Variants in RASSF2 observed in about 807,000 individuals in gnomAD.
The protein encoded by RASSF2 is Ras association domain family member 2, also known as ras association domain-containing protein 2.
Under a neutral mutation model 46.3 loss-of-function variants are expected in RASSF2, and 34 were observed. The ratio of observed to expected loss-of-function variants is 0.73; its 90% CI spans 0.56 to 0.98. RASSF2 has a LOEUF of 0.98. RASSF2 is among the 50% of genes least tolerant of loss of function. The probability of loss-of-function intolerance (pLI) is 0.00; values close to 1 mark genes in which losing one functional copy is unlikely to be tolerated. For missense variants in RASSF2, 364 were observed against 431.2 expected (o/e 0.84, Z 1.38); for synonymous variants, 158 against 162.5 (o/e 0.97, Z 0.21).
chr20:4,793,838 A>G (rs946240830), intron 5 of RASSF2, among the ~76,000 whole-genome samples: 1 of 152,132 alleles, frequency 6.6e-6, no homozygotes. Context: ...TGACATCTAA[A>G]TGACACCATT....
rs1476037965 is a variant in RASSF2, at chr20:4,783,491, T to A, written c.*782A>T. 1 of 152,686 alleles carries A rather than the reference T, an allele frequency of 6.5e-6. No individual in the cohort carries two copies. Among genetic ancestry groups the A allele is most frequent in the African/African-American group, 2.4e-5 (1 of 41,468 alleles). The allele number at this position is 152,686 out of a possible 1,614,324, so 9.5% of individuals were successfully genotyped here. A position where few individuals can be genotyped will look rare whatever the true frequency, so the allele number is the denominator to read the frequency against. On this transcript the variant is annotated 3_prime_UTR_variant, in exon 12 of 12. Coordinates refer to ENST00000379400, the MANE Select transcript of RASSF2 (RefSeq NM_014737.3). ...AACACACAGGATCTTCTCTGTCTCC[T>A]AAAGGTAGCCATGGAGGCAGAGATG... is the stretch of plus-strand genomic sequence containing the variant.
At chr20:4,809,601 T>G (rs1249184443) in intron 2 of RASSF2, among the ~76,000 whole-genome samples, 1 of 152,138 alleles carries the variant, frequency 6.6e-6, no homozygotes, top group Non-Finnish European at 1.5e-5. Flanking sequence ...CGGGTTATCA[T>G]GATTACTGCT....
chr20:4,818,273 A>C (rs1302179521), intron 2 of RASSF2, among the ~76,000 whole-genome samples: 1 of 152,154 alleles, frequency 6.6e-6, no homozygotes, highest in Non-Finnish European at 1.5e-5. Context: ...ACTCAAAAAA[A>C]AAAACACAAT....
At chr20:4,823,508 C>CCTCCTTCCT (rs1304158361) in intron 1 of RASSF2, 49 bp downstream of exon 1, 1 of 152,558 alleles carries the variant, frequency 6.6e-6, no homozygotes, top group East Asian at 1.9e-4. Context: ...TCGCTCCCCT[C>CCTCCTTCCT]CTCCTTCCTC....
intron 11 of RASSF2, among the ~76,000 whole-genome samples, chr20:4,784,592 C>CAAAAAAAAAAAA (rs71197728): frequency 1.1e-5 from 1 of 89,864 alleles, no homozygotes; most frequent in Non-Finnish European, 2.2e-5. Flanking sequence ...AACATCTAGC[C>CAAAAAAAAAAAA]AAAAAAAAAA....
intron 2 of RASSF2, among the ~76,000 whole-genome samples, chr20:4,821,444 C>T (rs576555155): frequency 5.3e-5 from 8 of 152,208 alleles, no homozygotes; most frequent in African/African-American, 9.6e-5. Context: ...GAGGAAGGCA[C>T]GAAAAGGGAC....
At chr20:4,794,550 GA>G (rs1449580939) in intron 5 of RASSF2, among the ~76,000 whole-genome samples, 2 of 147,244 alleles carry the variant, frequency 1.4e-5, no homozygotes, top group African/African-American at 2.5e-5. Flanking sequence ...CTGGGCAACA[GA>G]AAAAAAAAAG....
In RASSF2 at chr20:4,790,568, C is replaced by A. The variant is rs1477305275; in HGVS notation, c.420G>T (p.Leu140=). The stretch of plus-strand genomic sequence containing the variant: ...CCCCAACATCACTGCGTGTGCGCAT[C>A]AGCTGTGGGGTGTCCTCCTGCAGGG... ...LKPLQEDTPQ[L]MRTRSDVGVR... The change falls in exon 7 of 12, where the codon CTG becomes CTT. Residue 140 remains leucine (L), a synonymous_variant. Transcript: ENST00000379400. This position sits in a 1 kb window ranked among gnomAD's most constrained non-coding sequence, Gnocchi z 4.3. The A allele has an allele frequency of 1.3e-6, 2 of 1,537,404 alleles. No individual in the cohort carries two copies. Among genetic ancestry groups the A allele is most frequent in the East Asian group, 5.2e-5 (2 of 38,116 alleles).
chr20:4,810,426 A>G (rs1389118079), intron 2 of RASSF2, among the ~76,000 whole-genome samples: 2 of 152,070 alleles, frequency 1.3e-5, no homozygotes, highest in East Asian at 3.9e-4. Context: ...GCTCCCACCA[A>G]AAACAGCAGA....
intron 2 of RASSF2, among the ~76,000 whole-genome samples, chr20:4,820,906 C>T (rs1316444211): frequency 2.0e-5 from 3 of 152,154 alleles, no homozygotes; most frequent in African/African-American, 4.8e-5. Flanking sequence ...AAGGACACTT[C>T]CTGCCAAAAT....
At chr20:4,808,549 C>T (rs1166757738) in intron 2 of RASSF2, among the ~76,000 whole-genome samples, 2 of 147,942 alleles carry the variant, frequency 1.4e-5, no homozygotes, top group East Asian at 2.0e-4. Flanking sequence ...TGGAGTGGCA[C>T]GATCACAGGT....
At chr20:4,819,318 G>A (rs907728675) in intron 2 of RASSF2, among the ~76,000 whole-genome samples, 1 of 152,120 alleles carries the variant, frequency 6.6e-6, no homozygotes, top group African/African-American at 2.4e-5. Context: ...TCTTAGGTTG[G>A]TTTCACCCAA....
intron 8 of RASSF2, 116 bp from the exon 9 acceptor site, chr20:4,788,384 G>T: frequency 1.1e-6 from 1 of 896,796 alleles, no homozygotes; most frequent in East Asian, 2.5e-5. Flanking sequence ...GTTTTGAGGG[G>T]AGAGCTATTT....
At chr20:4,784,376 G>T (rs764470838) in intron 11 of RASSF2, 34 bp from the exon 12 acceptor site, 28 of 1,598,354 alleles carry the variant, frequency 1.8e-5, no homozygotes, top group Non-Finnish European at 2.2e-5. Context: ...ATGGAGAGCA[G>T]CCAGCAACAC....
intron 2 of RASSF2, among the ~76,000 whole-genome samples, chr20:4,809,432 T>TG (rs1927594285): frequency 6.6e-6 from 1 of 152,068 alleles, no homozygotes; most frequent in Non-Finnish European, 1.5e-5. Flanking sequence ...AAATGACCCC[T>TG]GGACAATGCA....
At position 4,782,266 on chromosome 20, in the gene RASSF2, C is replaced by T. The variant is rs1346559951; in HGVS notation, c.*2007G>A. ...TAGTTTGCTTTGTGGAAATTCTTCT[C>T]CCAAGTCCTCCAAGGAGAATTACTG... On this transcript the variant is annotated 3_prime_UTR_variant, in exon 12 of 12. Coordinates refer to ENST00000379400, the MANE Select transcript of RASSF2 (RefSeq NM_014737.3). The T allele has an allele frequency of 6.6e-6, 1 of 152,652 alleles. No individual in the cohort carries two copies. Among genetic ancestry groups the T allele is most frequent in the East Asian group, 1.9e-4 (1 of 5,202 alleles). The allele number at this position is 152,652 out of a possible 1,614,324, so 9.5% of individuals were successfully genotyped here.
intron 11 of RASSF2, among the ~76,000 whole-genome samples, chr20:4,785,191 T>C (rs1400379790): frequency 8.2e-6 from 1 of 122,478 alleles, no homozygotes; most frequent in Non-Finnish European, 1.8e-5. Flanking sequence ...AAGAAAAAAA[T>C]AGCTAGATAT....
At chr20:4,792,506 C>G (rs966618427) in intron 6 of RASSF2, 33 bp downstream of exon 6, 1 of 1,613,528 alleles carries the variant, frequency 6.2e-7, no homozygotes. Context: ...CACAGTTGGT[C>G]CCTAGCTGGA....
intron 2 of RASSF2, among the ~76,000 whole-genome samples, chr20:4,801,312 T>C (rs1010992629): frequency 2.0e-5 from 3 of 152,122 alleles, no homozygotes; most frequent in African/African-American, 7.2e-5. Flanking sequence ...CAAGCACAAA[T>C]GCCCCAGCCA....
Sources: gnomAD v4.1 joint callset for allele counts (sites outside exome capture counted in the v4.1 genomes callset) on GRCh38, gnomAD v4.1.1 for gene constraint, Gnocchi (gnomAD v3.1) non-coding constraint, MANE v1.5 for transcripts, NCBI Gene and HGNC (gene_info 2026-07-23, HGNC 2026-07-21) for gene names.